The following USH2A variants were observed in gnomAD, a reference collection of about 807,000 sequenced individuals.
USH2A encodes the protein usherin, also known as Usher syndrome 2A (autosomal recessive, mild).
Under a neutral mutation model 538.9 loss-of-function variants are expected in USH2A, and 443 were observed. The observed-to-expected ratio is 0.82, with a 90% confidence interval of 0.76 to 0.89. USH2A has a LOEUF of 0.89. USH2A is among the 40% of genes least tolerant of loss of function. The pLI is 0.00. For missense variants in USH2A, 6,633 were observed against 6,324.8 expected (o/e 1.05, Z -1.65); for synonymous variants, 2,413 against 2,273.5 (o/e 1.06, Z -1.75).
intron 21 of USH2A, among the ~76,000 whole-genome samples, chr1:216,135,166 T>TCTCA (rs1478398683): frequency 8.9e-5 from 8 of 90,348 alleles, no homozygotes; most frequent in African/African-American, 3.9e-4. Context: ...TCTCTCTCTC[T>TCTCA]CACACACACA....
In USH2A at chr1:216,078,216, A is replaced by C. The variant is rs1276497690; in HGVS notation, c.5445T>G (p.Ser1815Arg). 1 of 1,613,672 alleles carries C rather than the reference A, an allele frequency of 6.2e-7. No homozygotes were observed. Among genetic ancestry groups the C allele is most frequent in the Non-Finnish European group, 8.5e-7 (1 of 1,179,794 alleles). Residue 1815 changes from serine to arginine, a missense_variant, in exon 27 of 72, where the codon AGT becomes AGG. Coordinates refer to ENST00000307340, the MANE Select transcript of USH2A (RefSeq NM_206933.4). ...IKKEGSFISA[S>R]VNGLMKHASE... ...ATGCATGCTTCATCAGTCCATTCAC[A>C]CTTGCTGATATGAAAGAGCCTTCCT...
At position 215,804,486 on chromosome 1, in the gene USH2A, C is replaced by T. The variant is rs191804341; in HGVS notation, c.9740-5361G>A. Among the ~76,000 whole-genome samples the T allele has an allele frequency of 4.2e-3, 630 of 151,430 alleles. 8 individuals carry two copies. The highest frequency in any genetic ancestry group is 0.039 in the South Asian group (186 of 4,786). On this transcript the variant is annotated intron_variant, in intron 49 of 71. Transcript: ENST00000307340. Reference sequence around the variant, plus strand: ...AAAGTGGGTGAAGGATATGAACAGACACTTCTCAAAAGAAGACATTTATGC... The same window carrying T: ...AAAGTGGGTGAAGGATATGAACAGATACTTCTCAAAAGAAGACATTTATGC...
At chr1:216,353,752 A>T (rs1395773658) in intron 4 of USH2A, among the ~76,000 whole-genome samples, 1 of 152,110 alleles carries the variant, frequency 6.6e-6, no homozygotes, top group Non-Finnish European at 1.5e-5. Flanking sequence ...TTTAAATGTA[A>T]AAAGTTGTAA....
At chr1:215,854,467 C>G (rs1664102420) in intron 44 of USH2A, among the ~76,000 whole-genome samples, 1 of 152,172 alleles carries the variant, frequency 6.6e-6, no homozygotes, top group Non-Finnish European at 1.5e-5. Context: ...ATTCAACATA[C>G]TGAAGCAGCA....
intron 32 of USH2A, among the ~76,000 whole-genome samples, chr1:216,044,351 A>G (rs2030423712): frequency 6.6e-6 from 1 of 152,144 alleles, no homozygotes; most frequent in Non-Finnish European, 1.5e-5. Context: ...TTAATTATTA[A>G]TATGTTACAT....
intron 44 of USH2A, among the ~76,000 whole-genome samples, chr1:215,862,330 C>A (rs1048902602): frequency 6.6e-6 from 1 of 151,932 alleles, no homozygotes. Context: ...AACCAAACAC[C>A]GCATGTTCTC....
chr1:215,634,597 G>T lies in USH2A; in HGVS notation c.15159C>A (p.Ile5053=). 6.2e-7 allele frequency: 1 copy of T among 1,614,164 alleles called. No individual in the cohort carries two copies. The highest frequency in any genetic ancestry group is 2.2e-5 in the East Asian group (1 of 44,878). ...FIVLMAMLGL[I]LLAIFLSLIL... is the part of the protein sequence containing the mutation. Reference sequence around the variant, plus strand: ...TCAGGGACAGAAAAATGGCCAACAAGATCAAGCCCAGCATCGCCATTAACA... The same window carrying T: ...TCAGGGACAGAAAAATGGCCAACAATATCAAGCCCAGCATCGCCATTAACA... The change falls in exon 70 of 72, where the codon ATC becomes ATA. Residue 5053 remains isoleucine (I), a synonymous_variant. Transcript: ENST00000307340.
At chr1:216,327,472 T>G (rs1216363216) in intron 5 of USH2A, 119 bp downstream of exon 5, 1 of 1,190,242 alleles carries the variant, frequency 8.4e-7, no homozygotes, top group Non-Finnish European at 1.2e-6. Flanking sequence ...ATTAATTAGG[T>G]GAAGTTTGCC....
At chr1:216,121,123 T>G (rs1317858250) in intron 21 of USH2A, among the ~76,000 whole-genome samples, 1 of 152,206 alleles carries the variant, frequency 6.6e-6, no homozygotes, top group Non-Finnish European at 1.5e-5. Context: ...CCTTTAATTA[T>G]TTGGCATAGC....
rs574106294 is a variant in USH2A, at chr1:216,148,143, T to C, written c.4627+27109A>G. On this transcript the variant is annotated intron_variant, in intron 21 of 71. Transcript: ENST00000307340. ...AATACGGAGGCTACCCACTCCACAT[T>C]ACCCTCTTTTCAAGGGCCTGTTTCC... is the stretch of plus-strand genomic sequence containing the variant. Among the ~76,000 whole-genome samples the C allele has an allele frequency of 7.9e-5, 12 of 152,034 alleles. No individual in the cohort carries two copies. The South Asian group carries it at 2.1e-3, about 26-fold the overall frequency.
chr1:216,134,276 C>T (rs2033436095), intron 21 of USH2A, among the ~76,000 whole-genome samples: 1 of 152,014 alleles, frequency 6.6e-6, no homozygotes, highest in Non-Finnish European at 1.5e-5. Flanking sequence ...AGGGAAATTA[C>T]ATGTACAATT....
chr1:215,859,967 CT>C (rs1211897756), intron 44 of USH2A, among the ~76,000 whole-genome samples: 1 of 152,150 alleles, frequency 6.6e-6, no homozygotes, highest in Non-Finnish European at 1.5e-5. Context: ...TCATGAATGG[CT>C]TGGTGTCTTG....
chr1:216,419,273 T>A (rs890952689), intron 2 of USH2A, among the ~76,000 whole-genome samples: 4 of 152,082 alleles, frequency 2.6e-5, no homozygotes, highest in African/African-American at 9.7e-5. Flanking sequence ...GACCGTACAG[T>A]CCAACTGAGG....
chr1:216,417,879 C>A (rs557699972), intron 3 of USH2A, among the ~76,000 whole-genome samples: 2 of 152,178 alleles, frequency 1.3e-5, no homozygotes, highest in Admixed American at 1.3e-4. Flanking sequence ...CTGTATTGGG[C>A]CATTCCAGTG....
intron 21 of USH2A, among the ~76,000 whole-genome samples, chr1:216,115,192 C>T (rs957795933): frequency 2.6e-5 from 4 of 151,996 alleles, no homozygotes; most frequent in South Asian, 2.1e-4. Context: ...AGTGTAGTGG[C>T]GTGATCATAG....
chr1:216,400,347 G>GA (rs2039285338), intron 3 of USH2A, among the ~76,000 whole-genome samples: 1 of 150,820 alleles, frequency 6.6e-6, no homozygotes, highest in South Asian at 2.1e-4. Context: ...TCCTGAACCT[G>GA]AAGGAAATCA....
At position 216,056,398 on chromosome 1, in the gene USH2A, C is replaced by CAT. The variant is rs566250757; in HGVS notation, c.6050-7752_6050-7751insAT. ...GCTACAAGCCTCTGATATTGTTATTCCATTGTACAGAGGAGGCTGCTTTTG... is the reference window on the plus strand; with the variant it reads ...GCTACAAGCCTCTGATATTGTTATTCATCATTGTACAGAGGAGGCTGCTTTTG... On this transcript the variant is annotated intron_variant, in intron 30 of 71. Transcript: ENST00000307340. Among the ~76,000 whole-genome samples, 8 of 152,212 alleles carry CAT rather than the reference C, an allele frequency of 5.3e-5. No individual in the cohort carries two copies. In the South Asian group the frequency reaches 1.2e-3, roughly 24 times the overall value.
At chr1:216,098,792 T>C (rs1212612253) in intron 21 of USH2A, among the ~76,000 whole-genome samples, 1 of 152,020 alleles carries the variant, frequency 6.6e-6, no homozygotes, top group South Asian at 2.1e-4. Flanking sequence ...TAGGGATGTA[T>C]ACAAAATACC....
chr1:216,050,563 T>TCTTTCTTC (rs1413763845), intron 30 of USH2A, among the ~76,000 whole-genome samples: 4 of 33,194 alleles, frequency 1.2e-4, no homozygotes, highest in Non-Finnish European at 2.4e-4. Context: ...TGTATCTTTT[T>TCTTTCTTC]CTTTCTTTCT....
Sources: gnomAD v4.1 joint callset for allele counts (sites outside exome capture counted in the v4.1 genomes callset) on GRCh38, gnomAD v4.1.1 for gene constraint, MANE v1.5 for transcripts, NCBI Gene and HGNC (gene_info 2026-07-23, HGNC 2026-07-21) for gene names.